NRG4: variants seen among roughly 807,000 people sequenced by gnomAD.
NRG4 encodes pro-neuregulin-4, membrane-bound isoform.
A neutral mutation model predicts 15.0 loss-of-function variants in NRG4; 10 were observed. That is an observed-to-expected ratio of 0.67 (90% confidence interval 0.41 to 1.13). The LOEUF is 1.13. Among genes scored for constraint, NRG4 ranks in the 50% most tolerant of loss-of-function variants. NRG4 has a pLI of 0.00. For missense variants in NRG4, 139 were observed against 140.2 expected, an observed-to-expected ratio of 0.99 and a Z score of 0.04; for synonymous variants, 41 against 50.1, an observed-to-expected ratio of 0.82 and a Z score of 0.77.
At chr15:75,944,216 TCA>T (rs1308298169) in intron 5 of NRG4, among the ~76,000 whole-genome samples, 2 of 152,192 alleles carry the variant, frequency 1.3e-5, no homozygotes, top group Non-Finnish European at 1.5e-5. Flanking sequence ...TCCCTAAACC[TCA>T]GTTTTCTCAT....
At chr15:76,003,742 T>A (rs1396849178) in intron 3 of NRG4, among the ~76,000 whole-genome samples, 1 of 152,144 alleles carries the variant, frequency 6.6e-6, no homozygotes, top group Non-Finnish European at 1.5e-5. Context: ...CAGATTTCTC[T>A]GATCAAAACT....
At chr15:75,943,799 T>C in intron 5 of NRG4, 145 bp from the exon 6 acceptor site, 1 of 571,412 alleles carries the variant, frequency 1.8e-6, no homozygotes, top group Non-Finnish European at 3.1e-6. Flanking sequence ...TAAACTAACC[T>C]AGAATATCAA....
intron 5 of NRG4, among the ~76,000 whole-genome samples, chr15:75,953,806 C>T (rs566837785): frequency 2.0e-5 from 3 of 152,158 alleles, no homozygotes; most frequent in Non-Finnish European, 1.5e-5. Flanking sequence ...AATTCTCCCA[C>T]CTCCCAGGTA....
At chr15:76,056,514 C>T (rs2036156520) in intron 2 of NRG4, among the ~76,000 whole-genome samples, 1 of 151,776 alleles carries the variant, frequency 6.6e-6, no homozygotes, top group Non-Finnish European at 1.5e-5. Flanking sequence ...TAAAAAACGA[C>T]TTAGATATTG....
At chr15:76,041,594 T>C (rs79725600) in intron 4 of NRG4, among the ~76,000 whole-genome samples, 3,433 of 152,226 alleles carry the variant, frequency 0.023, 143 homozygotes, top group African/African-American at 0.079. Flanking sequence ...AATAAGGTCA[T>C]TATATAATAA....
intron 3 of NRG4, among the ~76,000 whole-genome samples, chr15:75,966,734 G>T (rs2032812688): frequency 6.6e-6 from 1 of 151,934 alleles, no homozygotes; most frequent in African/African-American, 2.4e-5. Flanking sequence ...GTCAATCAAA[G>T]TTCAATTTGC....
At chr15:75,947,417 T>C (rs1437674722) in intron 5 of NRG4, among the ~76,000 whole-genome samples, 1 of 152,196 alleles carries the variant, frequency 6.6e-6, no homozygotes, top group African/African-American at 2.4e-5. Context: ...TCCTTATGAG[T>C]AGCCTGCCCT....
At chr15:75,992,452 A>T (rs934114881) in intron 3 of NRG4, among the ~76,000 whole-genome samples, 7 of 152,042 alleles carry the variant, frequency 4.6e-5, no homozygotes, top group Non-Finnish European at 1.0e-4. Flanking sequence ...ATGTCTTTAT[A>T]TTGCCTTCAT....
intron 3 of NRG4, among the ~76,000 whole-genome samples, chr15:75,970,241 A>C: frequency 6.6e-6 from 1 of 152,256 alleles, no homozygotes; most frequent in Non-Finnish European, 1.5e-5. Flanking sequence ...TTGCTGAGAG[A>C]CCAAAATACA....
chr15:75,990,147 G>A lies in NRG4; in HGVS notation c.104+19053C>T, dbSNP rs1450265424. ...TTCGAGCTTCCCAGAAGTTCTTTGCGCAGCACTATGGAGTTTGACACTACA... is the reference window on the plus strand; with the variant it reads ...TTCGAGCTTCCCAGAAGTTCTTTGCACAGCACTATGGAGTTTGACACTACA... On this transcript the variant is annotated intron_variant, in intron 3 of 5. Coordinates refer to ENST00000394907, the MANE Select transcript of NRG4 (RefSeq NM_138573.4). 3.3e-5 allele frequency among the ~76,000 whole-genome samples: 5 copies of A among 152,150 alleles called. No individual in the cohort carries two copies. In the South Asian group the frequency reaches 8.3e-4, roughly 25 times the overall value.
intron 3 of NRG4, among the ~76,000 whole-genome samples, chr15:75,998,507 C>T (rs1375850203): frequency 6.6e-6 from 1 of 152,014 alleles, no homozygotes; most frequent in African/African-American, 2.4e-5. Context: ...CATCAGGGAA[C>T]ATCAAAGAGG....
intron 5 of NRG4, among the ~76,000 whole-genome samples, chr15:75,953,063 C>A (rs1295898881): frequency 6.6e-5 from 10 of 151,976 alleles, no homozygotes; most frequent in Admixed American, 5.9e-4. Context: ...GTTGCTTGTA[C>A]TTTTAGAATC....
Position 76,009,306 on chromosome 15 carries a change from C to A in NRG4, c.11-13G>T. 1 of 1,395,884 alleles carries A rather than the reference C, an allele frequency of 7.2e-7. No homozygotes were observed. Among genetic ancestry groups the A allele is most frequent in the South Asian group, 1.3e-5 (1 of 77,448 alleles). 86.5% of individuals were successfully genotyped at this position (1,395,884 alleles called of 1,614,324 possible). A position where few individuals can be genotyped will look rare whatever the true frequency, so the allele number is the denominator to read the frequency against. On this transcript the variant is annotated splice_polypyrimidine_tract_variant and intron_variant, in intron 2 of 5. Transcript: ENST00000394907. ...GGCTCTTCGTGATCTAGAACACATA[C>A]ATATATAAAATAGAGAAAAGCAAAT...
upstream of NRG4, among the ~76,000 whole-genome samples, chr15:76,015,790 T>C (rs1297031648): frequency 2.0e-5 from 3 of 152,220 alleles, no homozygotes; most frequent in Non-Finnish European, 4.4e-5. Context: ...TCATCAGGGA[T>C]GTTGGCCTGA....
rs545086855 is a variant in NRG4, at chr15:76,050,729, C to G, written c.-105+1338G>C. On this transcript the variant is annotated intron_variant, in intron 4 of 8. Coordinates refer to the NRG4 transcript ENST00000563910. Reference sequence around the variant, plus strand: ...AAAGTGCTGGGATTACAGGCGTAAGCCACCGTGCCCAGCCGAGCCTTCGTT... The same window carrying G: ...AAAGTGCTGGGATTACAGGCGTAAGGCACCGTGCCCAGCCGAGCCTTCGTT... 1.6e-4 allele frequency among the ~76,000 whole-genome samples: 24 copies of G among 148,786 alleles called. 1 individual carries two copies. The highest frequency in any genetic ancestry group is 2.8e-4 in the Non-Finnish European group (19 of 67,428).
chr15:76,020,142 C>T (rs940416758), intron 5 of NRG4, among the ~76,000 whole-genome samples: 1 of 152,126 alleles, frequency 6.6e-6, no homozygotes, highest in East Asian at 1.9e-4. Flanking sequence ...AGAACTTAAT[C>T]GATAAATCTG....
intron 5 of NRG4, among the ~76,000 whole-genome samples, chr15:76,025,364 G>C (rs181578796): frequency 2.0e-5 from 3 of 152,010 alleles, no homozygotes; most frequent in African/African-American, 7.3e-5. Context: ...GTGTGAACCC[G>C]GCAGGCGGAG....
intron 4 of NRG4, among the ~76,000 whole-genome samples, chr15:75,957,258 TC>T (rs768726300): frequency 1.9e-4 from 29 of 152,200 alleles, no homozygotes; most frequent in Non-Finnish European, 2.8e-4. Context: ...AGGATCAACT[TC>T]CTTTTACCTG....
rs1301889703 is a variant in NRG4, at chr15:76,056,141, A to AT, written c.-262+812dup. Among the ~76,000 whole-genome samples the AT allele has an allele frequency of 3.3e-5, 5 of 152,234 alleles. 1 individual carries two copies. The highest frequency in any genetic ancestry group is 4.1e-4 in the South Asian group (2 of 4,826). On this transcript the variant is annotated intron_variant, in intron 2 of 8. Coordinates refer to the NRG4 transcript ENST00000563910. The stretch of plus-strand genomic sequence containing the variant: ...TATTTGCTAAAGTCATCTCAACAGG[A>AT]TTTTTTTAAAAAAAACGATTTAGCG...
Sources: gnomAD v4.1 joint callset for allele counts (sites outside exome capture counted in the v4.1 genomes callset) on GRCh38, gnomAD v4.1.1 for gene constraint, MANE v1.5 for transcripts, NCBI Gene and HGNC (gene_info 2026-07-23, HGNC 2026-07-21) for gene names.